Variants in CADM2 observed in about 807,000 individuals in gnomAD.
CADM2 encodes the protein immunoglobulin superfamily member 4D.
In CADM2, 12 loss-of-function variants were observed where a neutral mutation model predicts 49.8. That is an observed-to-expected ratio of 0.24 (90% CI 0.15 to 0.39). CADM2 has a LOEUF of 0.39. CADM2 is among the 10% of genes least tolerant of loss of function. CADM2 has a pLI of 1.00. For synonymous variants in CADM2, 214 were observed against 175.4 expected, an observed-to-expected ratio of 1.22 and a Z score of -1.74; for missense variants, 378 against 492.3, an observed-to-expected ratio of 0.77 and a Z score of 2.20.
At chr3:84,980,672 A>G (rs1042180998) in intron 1 of CADM2, among the ~76,000 whole-genome samples, 2 of 152,220 alleles carry the variant, frequency 1.3e-5, no homozygotes, top group African/African-American at 4.8e-5. Context: ...TCTAACAGGC[A>G]TGACCTGTGT....
At position 85,948,818 on chromosome 3, in the gene CADM2, C is replaced by T. The variant is rs186317384; in HGVS notation, c.792-12651C>T. Among the ~76,000 whole-genome samples, 984 of 151,654 alleles carry T rather than the reference C, an allele frequency of 6.5e-3. 8 individuals are homozygous for T. Among genetic ancestry groups the T allele is most frequent in the Non-Finnish European group, 0.01 (681 of 67,714 alleles). On this transcript the variant is annotated intron_variant, in intron 7 of 9. Coordinates refer to ENST00000383699, the MANE Select transcript of CADM2 (RefSeq NM_001167675.2). ...AAAACCTCCAATGTGAATAGGCAGA[C>T]TTTCTCAGTGATTGAGGAGGGCTCT...
intron 1 of CADM2, among the ~76,000 whole-genome samples, chr3:85,039,618 A>G (rs894798169): frequency 3.9e-5 from 6 of 152,190 alleles, no homozygotes; most frequent in African/African-American, 1.2e-4. Flanking sequence ...CTCTTAATCT[A>G]TCTATATTTT....
chr3:85,286,193 A>G (rs2043628574), intron 1 of CADM2, among the ~76,000 whole-genome samples: 1 of 152,110 alleles, frequency 6.6e-6, no homozygotes, highest in African/African-American at 2.4e-5. Context: ...TTGATCTGGG[A>G]CCGGAGCTGA....
At chr3:85,125,454 G>T (rs1157078029) in intron 1 of CADM2, among the ~76,000 whole-genome samples, 1 of 152,060 alleles carries the variant, frequency 6.6e-6, no homozygotes, top group Admixed American at 6.5e-5. Context: ...TGACCACTGG[G>T]CTCAGGTGTT....
At chr3:85,710,188 A>G (rs2067074947) in intron 1 of CADM2, among the ~76,000 whole-genome samples, 1 of 152,136 alleles carries the variant, frequency 6.6e-6, no homozygotes, top group South Asian at 2.1e-4. Context: ...TCATAGCATA[A>G]CAAGCTAAAA....
chr3:85,639,445 T>G (rs960559997), intron 1 of CADM2, among the ~76,000 whole-genome samples: 3 of 152,176 alleles, frequency 2.0e-5, no homozygotes, highest in African/African-American at 7.2e-5. Context: ...GTCAACTTGG[T>G]GAAACAAACT....
intron 7 of CADM2, among the ~76,000 whole-genome samples, chr3:85,945,723 C>G (rs1265342860): frequency 6.6e-6 from 1 of 152,080 alleles, no homozygotes; most frequent in Non-Finnish European, 1.5e-5. Context: ...TGATAAAATT[C>G]AACAGCCCTT....
intron 1 of CADM2, among the ~76,000 whole-genome samples, chr3:84,980,285 C>CT (rs1386373368): frequency 2.6e-5 from 4 of 152,042 alleles, no homozygotes; most frequent in Non-Finnish European, 4.4e-5. Flanking sequence ...CTGCCCCTTG[C>CT]TAAGCCTGTG....
chr3:85,855,888 A>C (rs921502069), intron 3 of CADM2, among the ~76,000 whole-genome samples: 2 of 151,968 alleles, frequency 1.3e-5, no homozygotes, highest in Non-Finnish European at 2.9e-5. Context: ...GGCCTCCGAA[A>C]GTGCTGGGAT....
chr3:84,959,489 G>T lies in CADM2; in HGVS notation c.-119G>T. On this transcript the variant is annotated 5_prime_UTR_variant, in exon 1 of 10. Coordinates refer to ENST00000383699, the MANE Select transcript of CADM2 (RefSeq NM_001167675.2). ...CGGGTTCGAACACCGCAGCGGTGGG[G>T]ACGGTGGGTCCGGCGGGCGCCGGGA... is the stretch of plus-strand genomic sequence containing the variant. 1 of 974,018 alleles carries T rather than the reference G, an allele frequency of 1.0e-6. No individual in the cohort carries two copies. The highest frequency in any genetic ancestry group is 1.5e-6 in the Non-Finnish European group (1 of 652,792). 60.3% of individuals were successfully genotyped at this position (974,018 alleles called of 1,614,324 possible).
chr3:85,734,548 T>TAC (rs1271983393), intron 2 of CADM2, among the ~76,000 whole-genome samples: 18 of 149,970 alleles, frequency 1.2e-4, no homozygotes, highest in East Asian at 1.9e-4. Flanking sequence ...CATATATATA[T>TAC]ACATATATGA....
At chr3:85,680,023 A>C (rs963554848) in intron 1 of CADM2, among the ~76,000 whole-genome samples, 8 of 152,118 alleles carry the variant, frequency 5.3e-5, no homozygotes, top group Non-Finnish European at 1.2e-4. Flanking sequence ...AAATATTATA[A>C]AGGAAATAAA....
At chr3:85,087,004 C>T (rs895077738) in intron 1 of CADM2, among the ~76,000 whole-genome samples, 14 of 152,004 alleles carry the variant, frequency 9.2e-5, no homozygotes, top group Non-Finnish European at 1.6e-4. Flanking sequence ...ATGGATGATG[C>T]TTCAGTTAAA....
chr3:85,289,263 G>A (rs1316598626), intron 1 of CADM2, among the ~76,000 whole-genome samples: 3 of 152,170 alleles, frequency 2.0e-5, no homozygotes, highest in Non-Finnish European at 2.9e-5. Flanking sequence ...TTATGGAGGG[G>A]TAAAGTACAT....
chr3:85,704,235 G>A (rs1050920206), intron 1 of CADM2, among the ~76,000 whole-genome samples: 1 of 152,146 alleles, frequency 6.6e-6, no homozygotes, highest in African/African-American at 2.4e-5. Flanking sequence ...CCCCAACAGA[G>A]AGCAGAGAAA....
intron 1 of CADM2, among the ~76,000 whole-genome samples, chr3:85,075,078 G>T (rs1575813971): frequency 6.6e-6 from 1 of 152,168 alleles, no homozygotes; most frequent in East Asian, 1.9e-4. Context: ...GGGGAAAAAA[G>T]AACAAATACT....
chr3:85,683,215 CTT>C (rs952432242), intron 1 of CADM2, among the ~76,000 whole-genome samples: 17 of 143,406 alleles, frequency 1.2e-4, no homozygotes, highest in African/African-American at 3.2e-4. Context: ...CCTGCTCTCT[CTT>C]GAAGGAAAAA....
chr3:85,875,308 A>T (rs900329225), intron 3 of CADM2, among the ~76,000 whole-genome samples: 1 of 152,158 alleles, frequency 6.6e-6, no homozygotes, highest in African/African-American at 2.4e-5. Context: ...ATCCAATAAG[A>T]TTGTATGGAG....
intron 1 of CADM2, among the ~76,000 whole-genome samples, chr3:85,579,168 A>T (rs1461371427): frequency 2.0e-5 from 3 of 152,224 alleles, no homozygotes; most frequent in African/African-American, 7.2e-5. Flanking sequence ...ATTTGAGCAA[A>T]TAAATTTGAG....
Sources: gnomAD v4.1 joint callset for allele counts (sites outside exome capture counted in the v4.1 genomes callset) on GRCh38, gnomAD v4.1.1 for gene constraint, MANE v1.5 for transcripts, NCBI Gene and HGNC (gene_info 2026-07-23, HGNC 2026-07-21) for gene names.